The following GBE1 variants were observed in gnomAD, a reference collection of about 807,000 sequenced individuals.
The protein encoded by GBE1 is 1,4-alpha-glucan branching enzyme 1, also known as 1,4-alpha-glucan-branching enzyme.
GBE1 carries 70 observed loss-of-function variants against 88.8 expected under a neutral mutation model. That is an observed-to-expected ratio of 0.79 (90% CI 0.65 to 0.96). The LOEUF is 0.96. Among genes scored for constraint, GBE1 ranks in the 40% least tolerant of loss-of-function variants. The probability of loss-of-function intolerance (pLI) is 0.00; values close to 1 mark genes in which losing one functional copy is unlikely to be tolerated. For missense variants in GBE1, 872 were observed against 871.0 expected, an observed-to-expected ratio of 1.00 and a Z score of -0.01; for synonymous variants, 284 against 300.1, an observed-to-expected ratio of 0.95 and a Z score of 0.56.
chr3:81,728,528 G>A (rs527283049), intron 1 of GBE1, among the ~76,000 whole-genome samples: 14 of 152,284 alleles, frequency 9.2e-5, no homozygotes, highest in Admixed American at 9.2e-4. Flanking sequence ...CACAGTAAAT[G>A]TGGCTAGCAG....
At chr3:81,601,216 A>C (rs1388621536) in intron 7 of GBE1, among the ~76,000 whole-genome samples, 2 of 152,118 alleles carry the variant, frequency 1.3e-5, no homozygotes, top group African/African-American at 2.4e-5. Flanking sequence ...CACCTGTTAC[A>C]CAGCCTCATT....
rs116350356 is a variant in GBE1, at chr3:81,559,881, C to A, written c.1618+18044G>T. 4.1e-3 allele frequency among the ~76,000 whole-genome samples: 630 copies of A among 152,050 alleles called. 6 individuals are homozygous for A. The highest frequency in any genetic ancestry group is 0.024 in the Middle Eastern group (7 of 294). On this transcript the variant is annotated intron_variant, in intron 12 of 15. Coordinates refer to ENST00000429644, the MANE Select transcript of GBE1 (RefSeq NM_000158.4). ...ACAAAACAGTAGCTTTCCAATGTTGCAAGCAAAATAACATGTTCAACTTTT... is the reference window on the plus strand; with the variant it reads ...ACAAAACAGTAGCTTTCCAATGTTGAAAGCAAAATAACATGTTCAACTTTT...
At chr3:81,525,770 T>A (rs1702935113) in intron 14 of GBE1, among the ~76,000 whole-genome samples, 1 of 152,082 alleles carries the variant, frequency 6.6e-6, no homozygotes, top group Admixed American at 6.6e-5. Context: ...GGAGAGTGTA[T>A]GTGTCGAGGA....
chr3:81,710,601 A>C (rs1437788507), intron 1 of GBE1, among the ~76,000 whole-genome samples: 2 of 151,990 alleles, frequency 1.3e-5, no homozygotes, highest in Non-Finnish European at 2.9e-5. Context: ...TTTTTTTAAC[A>C]TGTTAATTGG....
At chr3:81,746,798 C>A (rs533347157) in intron 1 of GBE1, among the ~76,000 whole-genome samples, 2 of 152,222 alleles carry the variant, frequency 1.3e-5, no homozygotes, top group East Asian at 1.9e-4. Flanking sequence ...ATATATATCA[C>A]AAATTTTTGC....
chr3:81,602,154 AT>A (rs1704041135), intron 7 of GBE1, among the ~76,000 whole-genome samples: 1 of 152,228 alleles, frequency 6.6e-6, no homozygotes, highest in Admixed American at 6.5e-5. Context: ...CACAGGATAA[AT>A]TGGACAATAT....
At chr3:81,513,778 T>C (rs767575368) in intron 14 of GBE1, among the ~76,000 whole-genome samples, 8 of 151,726 alleles carry the variant, frequency 5.3e-5, no homozygotes, top group Non-Finnish European at 1.0e-4. Context: ...CTTGCATGCA[T>C]GTTAACTAAT....
intron 2 of GBE1, among the ~76,000 whole-genome samples, chr3:81,703,599 T>C (rs1328054995): frequency 2.0e-5 from 3 of 152,028 alleles, no homozygotes; most frequent in Non-Finnish European, 2.9e-5. Context: ...GGAAACCTCT[T>C]AATTTTGTTT....
intron 11 of GBE1, 23 bp downstream of exon 11, chr3:81,581,142 A>G (rs1703724396): frequency 7.4e-7 from 1 of 1,349,090 alleles, no homozygotes; most frequent in Admixed American, 1.8e-5. Flanking sequence ...GAAATAAATG[A>G]ATTTATGCAC....
chr3:81,728,641 G>A (rs1448885794), intron 1 of GBE1, among the ~76,000 whole-genome samples: 1 of 152,016 alleles, frequency 6.6e-6, no homozygotes, highest in Non-Finnish European at 1.5e-5. Context: ...AAAGAGAGGA[G>A]GAGGAGAGAG....
intron 1 of GBE1, among the ~76,000 whole-genome samples, chr3:81,760,258 A>T (rs1706660589): frequency 6.6e-6 from 1 of 152,220 alleles, no homozygotes; most frequent in South Asian, 2.1e-4. Flanking sequence ...CAATCCCTAG[A>T]GCAGTGTTTT....
intron 1 of GBE1, among the ~76,000 whole-genome samples, chr3:81,740,156 T>C (rs1485228253): frequency 6.6e-6 from 1 of 152,058 alleles, no homozygotes; most frequent in Non-Finnish European, 1.5e-5. Context: ...GCCTAGGAGT[T>C]CAAGGCTGCA....
intron 14 of GBE1, among the ~76,000 whole-genome samples, chr3:81,509,990 C>T (rs978234383): frequency 2.0e-5 from 3 of 151,812 alleles, no homozygotes; most frequent in Admixed American, 2.0e-4. Flanking sequence ...TGGTATGAGC[C>T]TTGAAGAGAA....
chr3:81,553,604 C>A (rs1576146300), intron 12 of GBE1, among the ~76,000 whole-genome samples: 3 of 139,490 alleles, frequency 2.2e-5, no homozygotes, highest in Non-Finnish European at 3.1e-5. Context: ...TTTTTGAATA[C>A]CCAGTTGAAG....
At chr3:81,609,499 A>G (rs1704144380) in intron 7 of GBE1, among the ~76,000 whole-genome samples, 1 of 152,132 alleles carries the variant, frequency 6.6e-6, no homozygotes, top group South Asian at 2.1e-4. Flanking sequence ...ATTACAGGTA[A>G]TATATTTCTG....
In GBE1 at chr3:81,741,987, C is replaced by A. The variant is rs527356883; in HGVS notation, c.143+19388G>T. Among the ~76,000 whole-genome samples, 44 of 151,488 alleles carry A rather than the reference C, an allele frequency of 2.9e-4. 1 individual carries two copies. ...TATAAAAAGATATTTCAAAACCTAC[C>A]TCAATGTAAACCAGTAGTGCCTTAA... On this transcript the variant is annotated intron_variant, in intron 1 of 15. Transcript: ENST00000429644.
intron 1 of GBE1, among the ~76,000 whole-genome samples, chr3:81,736,512 A>T (rs1459397352): frequency 6.6e-6 from 1 of 152,178 alleles, no homozygotes; most frequent in African/African-American, 2.4e-5. Context: ...TTAGAATTCA[A>T]CCCCACAAGT....
Position 81,553,267 on chromosome 3 carries a change from G to T in GBE1, c.1619-16172C>A, listed in dbSNP as rs188172337. On this transcript the variant is annotated intron_variant, in intron 12 of 15. Transcript: ENST00000429644. ...GTTGTAGCTGTTTAGCCTCTTCAGAGTTTTTTTTTTAAACTCCTGCAAAAA... is the reference window on the plus strand; with the variant it reads ...GTTGTAGCTGTTTAGCCTCTTCAGATTTTTTTTTTTAAACTCCTGCAAAAA... Among the ~76,000 whole-genome samples the T allele has an allele frequency of 4.8e-3, 722 of 149,734 alleles. 15 individuals are homozygous for T. The highest frequency in any genetic ancestry group is 0.017 in the African/African-American group (685 of 40,852).
chr3:81,743,690 T>G, intron 1 of GBE1: 2 of 1,091,806 alleles, frequency 1.8e-6, no homozygotes, highest in East Asian at 5.6e-5. Flanking sequence ...TCTCAGTCAT[T>G]TTATCAAGAA....
Sources: allele counts gnomAD v4.1 joint callset (sites outside exome capture counted in the v4.1 genomes callset), GRCh38; gene constraint gnomAD v4.1.1; transcripts MANE v1.5; gene names NCBI Gene and HGNC (gene_info 2026-07-23, HGNC 2026-07-21).